LRRK2: variants seen among roughly 807,000 people sequenced by gnomAD.
LRRK2 encodes the protein leucine rich repeat kinase 2, also known as leucine-rich repeat serine/threonine-protein kinase 2.
A neutral mutation model predicts 302.6 loss-of-function variants in LRRK2; 203 were observed. The ratio of observed to expected loss-of-function variants is 0.67; its 90% confidence interval spans 0.60 to 0.75. The LOEUF (loss-of-function observed/expected upper bound fraction) is 0.75, where lower values mean the gene tolerates loss of function less well. LRRK2 is among the 30% of genes least tolerant of loss of function. The pLI is 0.00. For missense variants in LRRK2, 2,830 were observed against 2,951.0 expected (o/e 0.96, Z 0.95); for synonymous variants, 1,066 against 1,031.9 (o/e 1.03, Z -0.63).
rs186406838 is a variant in LRRK2, at chr12:40,296,403, G to A, written c.3096+759G>A. ...TCCCAGCACTTTGGGAGGCTGAGGCGGGTGGATCTTTTTGAGTTCAGGAGT... is the reference window on the plus strand; with the variant it reads ...TCCCAGCACTTTGGGAGGCTGAGGCAGGTGGATCTTTTTGAGTTCAGGAGT... On this transcript the variant is annotated intron_variant, in intron 23 of 50. Coordinates refer to ENST00000298910, the MANE Select transcript of LRRK2 (RefSeq NM_198578.4). Among the ~76,000 whole-genome samples the A allele has an allele frequency of 1.3e-3, 191 of 152,204 alleles. 1 individual carries two copies. The highest frequency in any genetic ancestry group is 4.0e-3 in the African/African-American group (167 of 41,532).
At chr12:40,296,953 A>G (rs1944408630) in intron 23 of LRRK2, among the ~76,000 whole-genome samples, 1 of 152,072 alleles carries the variant, frequency 6.6e-6, no homozygotes, top group Admixed American at 6.6e-5. Flanking sequence ...TCTACCCTCC[A>G]GCCAACCTAC....
chr12:40,317,374 C>T (rs1487476082), intron 33 of LRRK2, among the ~76,000 whole-genome samples: 1 of 151,988 alleles, frequency 6.6e-6, no homozygotes, highest in African/African-American at 2.4e-5. Context: ...TCTAAATAAT[C>T]AAGTGAAACC....
chr12:40,368,706 A>G lies in LRRK2; in HGVS notation c.*941A>G, dbSNP rs761477213. On this transcript the variant is annotated 3_prime_UTR_variant, in exon 51 of 51. Transcript: ENST00000298910. ...GATAGAAACCTTTTTTTTTTTCAGA[A>G]TTATAGAATTCCACAGCTCCTACCA... The G allele has an allele frequency of 6.7e-6, 1 of 150,284 alleles. No homozygotes were observed. Among genetic ancestry groups the G allele is most frequent in the African/African-American group, 2.4e-5 (1 of 40,858 alleles). The allele number at this position is 150,284 out of a possible 1,614,324, so 9.3% of individuals were successfully genotyped here. A position where few individuals can be genotyped will look rare whatever the true frequency, so the allele number is the denominator to read the frequency against.
intron 48 of LRRK2, 138 bp downstream of exon 48, chr12:40,363,692 C>T (rs958757387): frequency 2.3e-6 from 2 of 863,266 alleles, no homozygotes; most frequent in Non-Finnish European, 3.6e-6. Context: ...TGTAATGCTT[C>T]TCAGCACCAT....
intron 35 of LRRK2, 74 bp from the exon 36 acceptor site, chr12:40,321,961 A>T: frequency 7.0e-7 from 1 of 1,425,688 alleles, no homozygotes; most frequent in Non-Finnish European, 9.9e-7. Context: ...TATTACAATC[A>T]CTTGTGTTGT....
intron 49 of LRRK2, 159 bp from the exon 50 acceptor site, chr12:40,366,847 G>C: frequency 1.8e-6 from 1 of 569,072 alleles, no homozygotes; most frequent in Non-Finnish European, 3.2e-6. Context: ...AAAAAATGCT[G>C]GTCTTTATTC....
At chr12:40,332,564 C>A (rs1334450066) in intron 39 of LRRK2, among the ~76,000 whole-genome samples, 2 of 151,956 alleles carry the variant, frequency 1.3e-5, no homozygotes, top group Admixed American at 1.3e-4. Context: ...ATTTTGTAAC[C>A]TTTAAAAAAT....
At chr12:40,237,304 A>G (rs1436752435) in intron 4 of LRRK2, among the ~76,000 whole-genome samples, 1 of 152,222 alleles carries the variant, frequency 6.6e-6, no homozygotes, top group African/African-American at 2.4e-5. Flanking sequence ...TTTGTGTTTT[A>G]GAAATATAAT....
intron 46 of LRRK2, among the ~76,000 whole-genome samples, chr12:40,358,054 C>G (rs1444758733): frequency 6.6e-6 from 1 of 151,058 alleles, no homozygotes; most frequent in Non-Finnish European, 1.5e-5. Context: ...AGGCATGAGC[C>G]ACCATACCCA....
intron 47 of LRRK2, among the ~76,000 whole-genome samples, chr12:40,360,479 G>A (rs1462793949): frequency 6.6e-6 from 1 of 151,950 alleles, no homozygotes; most frequent in African/African-American, 2.4e-5. Context: ...TCTCAGTGCT[G>A]GTACCATGGG....
At chr12:40,330,779 G>A (rs11564203) in intron 39 of LRRK2, among the ~76,000 whole-genome samples, 21,617 of 152,038 alleles carry the variant, frequency 0.14, 1,649 homozygotes, top group African/African-American at 0.18. Flanking sequence ...TAGATGACAA[G>A]CCTTTTGGGT....
intron 18 of LRRK2, among the ~76,000 whole-genome samples, chr12:40,279,912 T>A (rs1943614929): frequency 6.6e-6 from 1 of 152,242 alleles, no homozygotes; most frequent in Non-Finnish European, 1.5e-5. Context: ...GTACCTTATT[T>A]GTGCCAGAGC....
At chr12:40,251,108 A>G in intron 8 of LRRK2, 124 bp from the exon 9 acceptor site, 2 of 612,086 alleles carry the variant, frequency 3.3e-6, no homozygotes, top group South Asian at 2.6e-5. Context: ...ATAATTGACC[A>G]AGGCTTCTCC....
intron 22 of LRRK2, among the ~76,000 whole-genome samples, 175 bp downstream of exon 22, chr12:40,295,089 TA>T (rs1293770050): frequency 3.3e-5 from 5 of 152,260 alleles, no homozygotes; most frequent in South Asian, 2.1e-4. Context: ...AACATACATT[TA>T]AAAATTTACC....
At chr12:40,326,499 A>C (rs17444096) in intron 38 of LRRK2, among the ~76,000 whole-genome samples, 19,115 of 151,592 alleles carry the variant, frequency 0.13, 1,293 homozygotes, top group South Asian at 0.16. Context: ...GAAAAAAAAA[A>C]CAACTAGAAG....
chr12:40,271,697 T>G (rs57032064), intron 14 of LRRK2, among the ~76,000 whole-genome samples: 14 of 152,138 alleles, frequency 9.2e-5, no homozygotes, highest in Non-Finnish European at 1.9e-4. Context: ...ATGTAATACA[T>G]ATATGTATAT....
At chr12:40,294,753 A>T in intron 21 of LRRK2, 92 bp from the exon 22 acceptor site, 1 of 713,760 alleles carries the variant, frequency 1.4e-6, no homozygotes, top group Non-Finnish European at 2.4e-6. Flanking sequence ...AAATACCATT[A>T]ACCCTATTAA....
chr12:40,256,319 C>T (rs941869318), intron 11 of LRRK2, among the ~76,000 whole-genome samples: 2 of 152,040 alleles, frequency 1.3e-5, no homozygotes, highest in African/African-American at 2.4e-5. Flanking sequence ...CATGGTGGCA[C>T]ACTTGTAGTC....
chr12:40,347,949 TC>T (rs1443313760), intron 42 of LRRK2, among the ~76,000 whole-genome samples: 2 of 81,722 alleles, frequency 2.4e-5, no homozygotes, highest in Non-Finnish European at 6.2e-5. Context: ...AAAGTGAGAC[TC>T]CATCTTAAAA....
Sources: allele counts gnomAD v4.1 joint callset (sites outside exome capture counted in the v4.1 genomes callset), GRCh38; gene constraint gnomAD v4.1.1; transcripts MANE v1.5; gene names NCBI Gene and HGNC (gene_info 2026-07-23, HGNC 2026-07-21).